MMEL1: variants seen among roughly 807,000 people sequenced by gnomAD.
The protein encoded by MMEL1 is membrane metallo-endopeptidase-like 1.
Under a neutral mutation model 117.1 loss-of-function variants are expected in MMEL1, and 98 were observed. The observed-to-expected ratio is 0.84, with a 90% CI of 0.71 to 0.99. The LOEUF (loss-of-function observed/expected upper bound fraction) is 0.99, where lower values mean the gene tolerates loss of function less well. Among genes scored for constraint, MMEL1 ranks in the 50% least tolerant of loss-of-function variants. The pLI, the probability that MMEL1 is intolerant of heterozygous loss-of-function variation, is 0.00. For synonymous variants in MMEL1, 390 were observed against 415.1 expected (o/e 0.94, Z 0.74); for missense variants, 1,014 against 1,049.1 (o/e 0.97, Z 0.46).
Position 2,606,838 on chromosome 1 carries a change from G to A in MMEL1, c.631+136C>T, listed in dbSNP as rs1351207672. 7.9e-6 allele frequency: 6 copies of A among 764,222 alleles called. No individual in the cohort carries two copies. In the South Asian group the frequency reaches 8.1e-5, roughly 10 times the overall value. The allele number at this position is 764,222 out of a possible 1,614,324, so 47.3% of individuals were successfully genotyped here. ...ACCCTGAGGTTGCCCCGGCTGGGTT[G>A]GGCCTCTTGGGGCTCCTGAGAGCAG... On this transcript the variant is annotated intron_variant, in intron 7 of 23. Transcript: ENST00000378412.
rs936724439 is a variant in MMEL1 at position 2,629,514 on chromosome 1, G to C, written c.-30C>G. ...AGGGCTCTGGACGGGAGAGCACCGC[G>C]GAGGAACCTGCAGGCCCAGGGCAGG... On this transcript the variant is annotated 5_prime_UTR_variant, in exon 2 of 24. Coordinates refer to ENST00000378412, the MANE Select transcript of MMEL1 (RefSeq NM_033467.4). 3 of 1,441,444 alleles carry C rather than the reference G, an allele frequency of 2.1e-6. No homozygotes were observed. The African/African-American group carries it at 4.4e-5, about 21-fold the overall frequency. The allele number at this position is 1,441,444 out of a possible 1,614,324, so 89.3% of individuals were successfully genotyped here. A position where few individuals can be genotyped will look rare whatever the true frequency, so the allele number is the denominator to read the frequency against.
chr1:2,613,366 C>G (rs1645158384), intron 2 of MMEL1, among the ~76,000 whole-genome samples: 1 of 152,172 alleles, frequency 6.6e-6, no homozygotes, highest in African/African-American at 2.4e-5. Context: ...GGACCAGAGA[C>G]TGGACTGTGG....
Position 2,614,346 on chromosome 1 carries a change from C to T in MMEL1, c.155-2142G>A, listed in dbSNP as rs141862169. Among the ~76,000 whole-genome samples, 353 of 152,260 alleles carry T rather than the reference C, an allele frequency of 2.3e-3. 2 individuals are homozygous for T. The highest frequency in any genetic ancestry group is 7.8e-3 in the African/African-American group (325 of 41,546). On this transcript the variant is annotated intron_variant, in intron 2 of 23. Transcript: ENST00000378412. The stretch of plus-strand genomic sequence containing the variant: ...TAAAGCAAAGGAAGCTGTACATAAG[C>T]GCTGTACTCTAGTTGATAAAGTTGT...
intron 2 of MMEL1, among the ~76,000 whole-genome samples, chr1:2,623,663 G>C (rs992063085): frequency 6.6e-6 from 1 of 152,224 alleles, no homozygotes; most frequent in Non-Finnish European, 1.5e-5. Flanking sequence ...TCACGAAGAG[G>C]TTTTCAATCA....
chr1:2,593,096 A>C, intron 19 of MMEL1, 130 bp from the exon 20 acceptor site: 1 of 1,188,490 alleles, frequency 8.4e-7, no homozygotes, highest in Middle Eastern at 2.9e-4. Flanking sequence ...CCACAGTCTG[A>C]GTAGGCTGAG....
rs560924270 is a variant in MMEL1, at chr1:2,604,301, G to A, written c.817-20C>T. ...CCGCACCTGGGCCAAAGGACGCCGG[G>A]CAGAGCTGGGTGGCCTCAGCCACCA... is the stretch of plus-strand genomic sequence containing the variant. On this transcript the variant is annotated intron_variant, in intron 9 of 23. Coordinates refer to ENST00000378412, the MANE Select transcript of MMEL1 (RefSeq NM_033467.4). 3.5e-5 allele frequency: 56 copies of A among 1,611,282 alleles called. No homozygotes were observed. In the South Asian group the frequency reaches 5.9e-4, roughly 17 times the overall value.
At chr1:2,600,793 A>C (rs1351596161) in intron 11 of MMEL1, among the ~76,000 whole-genome samples, 1 of 152,242 alleles carries the variant, frequency 6.6e-6, no homozygotes, top group African/African-American at 2.4e-5. Context: ...GCATTGAGTA[A>C]GACTGCATAT....
chr1:2,600,111 G>T (rs1644908526), intron 11 of MMEL1, among the ~76,000 whole-genome samples: 1 of 152,022 alleles, frequency 6.6e-6, no homozygotes, highest in Non-Finnish European at 1.5e-5. Context: ...GAGATTACAG[G>T]CATGTGCTAA....
At chr1:2,621,906 T>C (rs1645295897) in intron 2 of MMEL1, among the ~76,000 whole-genome samples, 1 of 152,134 alleles carries the variant, frequency 6.6e-6, no homozygotes. Flanking sequence ...CCCGAAAATG[T>C]GTAAATCCAG....
intron 18 of MMEL1, 124 bp from the exon 19 acceptor site, chr1:2,594,057 G>A: frequency 7.7e-7 from 1 of 1,294,396 alleles, no homozygotes; most frequent in Non-Finnish European, 1.0e-6. Flanking sequence ...CAGAGGTCAG[G>A]ATTCCCTCAA....
intron 18 of MMEL1, 68 bp from the exon 19 acceptor site, chr1:2,594,001 A>G (rs749801643): frequency 2.7e-6 from 4 of 1,507,038 alleles, no homozygotes. Context: ...AGGCTCAGGG[A>G]TGGCGCTGCC....
At chr1:2,629,794 T>A in intron 1 of MMEL1, 1 of 312,086 alleles carries the variant, frequency 3.2e-6, no homozygotes, top group Non-Finnish European at 5.9e-6. Flanking sequence ...TCAGCTCCTG[T>A]GCTGTCAAGG....
At chr1:2,626,250 G>A (rs536827829) in intron 2 of MMEL1, among the ~76,000 whole-genome samples, 1 of 152,194 alleles carries the variant, frequency 6.6e-6, no homozygotes, top group Non-Finnish European at 1.5e-5. Context: ...TGGGGAAGAG[G>A]TATGTGGATT....
chr1:2,601,594 T>C (rs757804768), intron 11 of MMEL1, among the ~76,000 whole-genome samples: 4 of 152,126 alleles, frequency 2.6e-5, no homozygotes, highest in East Asian at 1.9e-4. Flanking sequence ...ATAGCCTCCA[T>C]TGAAACAAAG....
intron 1 of MMEL1, among the ~76,000 whole-genome samples, chr1:2,631,277 C>T (rs974311384): frequency 6.6e-6 from 1 of 152,132 alleles, no homozygotes; most frequent in Admixed American, 6.5e-5. Flanking sequence ...CCAGGCAGGG[C>T]GGATAATGTG....
Position 2,592,695 on chromosome 1 carries a change from T to C in MMEL1, c.2027A>G (p.Glu676Gly), listed in dbSNP as rs764008973. 4 of 1,609,828 alleles carry C rather than the reference T, an allele frequency of 2.5e-6. No individual in the cohort carries two copies. The highest frequency in any genetic ancestry group is 3.4e-6 in the Non-Finnish European group (4 of 1,178,548). The change falls in exon 21 of 24, where the codon GAA becomes GGA. Residue 676 changes from glutamate to glycine, a missense_variant. By Grantham distance (98) the Glu-to-Gly change is moderately conservative (BLOSUM62 -2). Coordinates refer to ENST00000378412, the MANE Select transcript of MMEL1 (RefSeq NM_033467.4). ...QNVNGFNTLG[E>G]NIADNGGVRQ... ...CACCCCTCCGTTGTCAGCAATGTTT[T>C]CCCCAAGGGTGTTGAATCCGTTCAC...
intron 7 of MMEL1, among the ~76,000 whole-genome samples, 180 bp downstream of exon 7, chr1:2,606,794 A>G (rs1489354076): frequency 6.6e-6 from 1 of 151,866 alleles, no homozygotes; most frequent in Non-Finnish European, 1.5e-5. Flanking sequence ...CCAGCATGGA[A>G]CCTAAACCAC....
chr1:2,594,346 C>G (rs1305383906), intron 18 of MMEL1, 39 bp downstream of exon 18: 1 of 1,549,854 alleles, frequency 6.5e-7, no homozygotes, highest in Non-Finnish European at 8.7e-7. Context: ...AACTCTGGCA[C>G]CAAAGGGCCT....
chr1:2,604,069 C>T (rs1644979293), intron 10 of MMEL1, 78 bp downstream of exon 10: 1 of 1,575,470 alleles, frequency 6.3e-7, no homozygotes. Context: ...CCCAGCACCC[C>T]CTCACCTTGG....
Sources: allele counts gnomAD v4.1 joint callset (sites outside exome capture counted in the v4.1 genomes callset), GRCh38; gene constraint gnomAD v4.1.1; transcripts MANE v1.5; gene names NCBI Gene and HGNC (gene_info 2026-07-23, HGNC 2026-07-21).